The following ZC3HAV1 variants were observed in gnomAD, a reference collection of about 807,000 sequenced individuals.
The protein encoded by ZC3HAV1 is zinc finger CCCH-type antiviral protein 1.
A neutral mutation model predicts 86.6 loss-of-function variants in ZC3HAV1; 41 were observed. That is an observed-to-expected ratio of 0.47 (90% CI 0.37 to 0.61). The LOEUF is 0.61. Ranked by LOEUF, ZC3HAV1 falls within the 20% of genes least tolerant of loss-of-function variation. The pLI, the probability that ZC3HAV1 is intolerant of heterozygous loss-of-function variation, is 0.00. For missense variants in ZC3HAV1, 964 were observed against 1,141.1 expected (o/e 0.84, Z 2.24); for synonymous variants, 421 against 432.1 (o/e 0.97, Z 0.32).
At chr7:139,078,503 A>G (rs758714857) in intron 5 of ZC3HAV1, 49 bp downstream of exon 5, 7 of 1,436,772 alleles carry the variant, frequency 4.9e-6, no homozygotes, top group Non-Finnish European at 6.7e-6. Context: ...AGTGTTATTT[A>G]CAATGGCCAA....
chr7:139,047,312 G>A lies in ZC3HAV1; in HGVS notation c.*282C>T, dbSNP rs1815983910. 2 of 318,742 alleles carry A rather than the reference G, an allele frequency of 6.3e-6. No individual in the cohort carries two copies. The highest frequency in any genetic ancestry group is 5.7e-6 in the Non-Finnish European group (1 of 175,790). The allele number at this position is 318,742 out of a possible 1,614,324, so 19.7% of individuals were successfully genotyped here. On this transcript the variant is annotated 3_prime_UTR_variant, in exon 13 of 13. Coordinates refer to ENST00000242351, the MANE Select transcript of ZC3HAV1 (RefSeq NM_020119.4). ...CCACTGCACTCCAGCCTGGACGATG[G>A]AGTGAGATTCAGTCTCAAAAAAAAA...
chr7:139,100,031 AAAAT>A (rs1817704884), intron 1 of ZC3HAV1, among the ~76,000 whole-genome samples: 1 of 152,022 alleles, frequency 6.6e-6, no homozygotes, highest in Non-Finnish European at 1.5e-5. Context: ...TTTATCTCAA[AAAAT>A]AAATAAAAAT....
In ZC3HAV1 at chr7:139,074,002, A is replaced by G; in HGVS notation, c.1726T>C (p.Phe576Leu). 6.2e-7 allele frequency: 1 copy of G among 1,613,214 alleles called. No homozygotes were observed. Residue 576 changes from phenylalanine (F) to leucine (L), a missense_variant, in exon 7 of 13, where the codon TTT becomes CTT. Coordinates refer to ENST00000242351, the MANE Select transcript of ZC3HAV1 (RefSeq NM_020119.4). ...AAGGAATCACAACTCATTACCCGAA[A>G]ATTGATTGTATAACTTCCTACAGAA... ...LCSVGSYTIN[F>L]RVMSCDSFPI...
intron 7 of ZC3HAV1, among the ~76,000 whole-genome samples, chr7:139,070,384 G>A (rs906959838): frequency 6.6e-6 from 1 of 152,166 alleles, no homozygotes; most frequent in Non-Finnish European, 1.5e-5. Flanking sequence ...ACCTCAGGAG[G>A]CCGGGCGCAG....
In ZC3HAV1 at chr7:139,064,895, A is replaced by G; in HGVS notation, c.1977T>C (p.Tyr659=). 6.2e-7 allele frequency: 1 copy of G among 1,613,934 alleles called. No individual in the cohort carries two copies. Among genetic ancestry groups the G allele is most frequent in the Non-Finnish European group, 8.5e-7 (1 of 1,179,786 alleles). ...VVPFQAGSRN[Y]ELSFQGMIQT... is the part of the protein sequence containing the mutation. ...GAAACCCACCTTGGAAACTCAGCTC[A>G]TAGTTCCGTGAGCCCGCCTGAAATG... The change falls in exon 8 of 13, where the codon TAT becomes TAC. Residue 659 remains tyrosine, a synonymous_variant. Transcript: ENST00000242351.
rs1350808393 is a variant in ZC3HAV1, at chr7:139,108,577, G to T, written c.308+447C>A. Among the ~76,000 whole-genome samples, 1 of 152,220 alleles carries T rather than the reference G, an allele frequency of 6.6e-6. No individual in the cohort carries two copies. The highest frequency in any genetic ancestry group is 1.5e-5 in the Non-Finnish European group (1 of 68,030). On this transcript the variant is annotated intron_variant, in intron 1 of 12. Coordinates refer to ENST00000242351, the MANE Select transcript of ZC3HAV1 (RefSeq NM_020119.4). This position sits in a 1 kb window ranked among gnomAD's most constrained non-coding sequence, Gnocchi z 4.2. The stretch of plus-strand genomic sequence containing the variant: ...GGAGACGGACCGGGGGCCCAGGGCG[G>T]CTGGGTTACTGGCTCCGCCACGTCT...
chr7:139,108,634 A>G lies in ZC3HAV1; in HGVS notation c.308+390T>C, dbSNP rs924616579. On this transcript the variant is annotated intron_variant, in intron 1 of 12. Transcript: ENST00000242351. This position sits in a 1 kb window ranked among gnomAD's most constrained non-coding sequence, Gnocchi z 4.2. ...GGAGGTAGTAGGGAGGGAAAGACTC[A>G]AGATACCAAAGACGGGAGGCTCTTT... Among the ~76,000 whole-genome samples the G allele has an allele frequency of 1.1e-4, 16 of 152,246 alleles. No individual in the cohort carries two copies. The East Asian group carries it at 2.7e-3, about 26-fold the overall frequency.
intron 1 of ZC3HAV1, among the ~76,000 whole-genome samples, chr7:139,091,977 C>T (rs926650733): frequency 1.3e-5 from 2 of 152,072 alleles, no homozygotes; most frequent in African/African-American, 4.8e-5. Context: ...TCCCCGCCCC[C>T]GAAGAAGGGG....
At chr7:139,063,027 CAAAAAAAAAAAAA>C (rs58859916) in intron 8 of ZC3HAV1, among the ~76,000 whole-genome samples, 12 of 68,084 alleles carry the variant, frequency 1.8e-4, no homozygotes, top group Admixed American at 8.9e-4. Context: ...GACTCTGTCT[CAAAAAAAAAAAAA>C]AAAAAAAAAA....
At chr7:139,076,891 CA>C (rs372747341) in intron 5 of ZC3HAV1, among the ~76,000 whole-genome samples, 10,159 of 129,434 alleles carry the variant, frequency 0.078, 391 homozygotes, top group African/African-American at 0.11. Flanking sequence ...AATTCTGTCT[CA>C]AAAAAAAAAA....
At chr7:139,086,835 C>T (rs1461320166) in intron 2 of ZC3HAV1, among the ~76,000 whole-genome samples, 2 of 152,186 alleles carry the variant, frequency 1.3e-5, no homozygotes, top group African/African-American at 4.8e-5. Context: ...TGCTTGCCAC[C>T]ATGTAAGATG....
chr7:139,073,070 C>T (rs576676267), intron 7 of ZC3HAV1, among the ~76,000 whole-genome samples: 1 of 152,124 alleles, frequency 6.6e-6, no homozygotes, highest in South Asian at 2.1e-4. Flanking sequence ...CCGAGGTGGG[C>T]GGATAACCTG....
intron 1 of ZC3HAV1, among the ~76,000 whole-genome samples, chr7:139,105,293 A>G (rs181675077): frequency 6.6e-6 from 1 of 152,314 alleles, no homozygotes; most frequent in Non-Finnish European, 1.5e-5. Context: ...TACTTTCAGT[A>G]GATTTCTGAA....
In ZC3HAV1 at chr7:139,083,964, G is replaced by A; in HGVS notation, c.513C>T (p.Leu171=). The change falls in exon 3 of 13, where the codon CTC becomes CTT. Residue 171 remains leucine, a synonymous_variant. Transcript: ENST00000242351. ...ICNQQPPCSR[L]HICDHFTRGN... is the part of the protein sequence containing the mutation. The stretch of plus-strand genomic sequence containing the variant: ...CTCGGGTGAAGTGGTCACAGATGTG[G>A]AGTCTTGAACACGGTGGCTGCTGGT... 2 of 1,614,088 alleles carry A rather than the reference G, an allele frequency of 1.2e-6. No homozygotes were observed. The highest frequency in any genetic ancestry group is 8.5e-7 in the Non-Finnish European group (1 of 1,180,018).
In ZC3HAV1 at chr7:139,043,923, T is replaced by G. The variant is rs555711141; in HGVS notation, c.*3671A>C. ...GTAGGTCAGTGGAAAAAATCAGTGG[T>G]TCTCACTGTGGTCAGTGGGTTATTG... On this transcript the variant is annotated 3_prime_UTR_variant, in exon 13 of 13. Coordinates refer to ENST00000242351, the MANE Select transcript of ZC3HAV1 (RefSeq NM_020119.4). 4 of 152,198 alleles carry G rather than the reference T, an allele frequency of 2.6e-5. No individual in the cohort carries two copies. Among genetic ancestry groups the G allele is most frequent in the Admixed American group, 2.6e-4 (4 of 15,272 alleles). 9.4% of individuals were successfully genotyped at this position (152,198 alleles called of 1,614,324 possible).
intron 1 of ZC3HAV1, among the ~76,000 whole-genome samples, chr7:139,102,752 CACACACACACACACACA>C: frequency 6.6e-6 from 1 of 150,672 alleles, no homozygotes; most frequent in East Asian, 2.0e-4. Context: ...CACACACACA[CACACACACACACACACA>C]CAAATTAGCC....
chr7:139,066,768 C>G (rs1816617389), intron 7 of ZC3HAV1, among the ~76,000 whole-genome samples: 1 of 152,170 alleles, frequency 6.6e-6, no homozygotes, highest in South Asian at 2.1e-4. Context: ...TGACCACTAG[C>G]TGAATCGCTT....
intron 1 of ZC3HAV1, among the ~76,000 whole-genome samples, chr7:139,100,072 AAAAC>A (rs536201042): frequency 1.5e-3 from 231 of 152,218 alleles, no homozygotes; most frequent in African/African-American, 4.8e-3. Context: ...AAAATGGTAA[AAAAC>A]AAACAAACAA....
intron 1 of ZC3HAV1, among the ~76,000 whole-genome samples, chr7:139,096,860 C>A (rs1817603477): frequency 6.6e-6 from 1 of 152,142 alleles, no homozygotes; most frequent in Non-Finnish European, 1.5e-5. Flanking sequence ...CCTGGGGGCG[C>A]AGTGGCTTAC....
Sources: gnomAD v4.1 joint callset for allele counts (sites outside exome capture counted in the v4.1 genomes callset) on GRCh38, gnomAD v4.1.1 for gene constraint, Gnocchi (gnomAD v3.1) non-coding constraint, MANE v1.5 for transcripts, NCBI Gene and HGNC (gene_info 2026-07-23, HGNC 2026-07-21) for gene names.